The following MNAT1 variants were observed in gnomAD, a reference collection of about 807,000 sequenced individuals.
MNAT1 encodes MNAT1 component of CDK activating kinase.
A neutral mutation model predicts 42.0 loss-of-function variants in MNAT1; 43 were observed. That is an observed-to-expected ratio of 1.02 (90% CI 0.80 to 1.32). The LOEUF (loss-of-function observed/expected upper bound fraction) is 1.32. MNAT1 is among the 40% of genes most tolerant of loss of function. MNAT1 has a pLI of 0.00. For missense variants in MNAT1, 306 were observed against 350.4 expected (o/e 0.87, Z 1.01); for synonymous variants, 118 against 120.0 (o/e 0.98, Z 0.11).
rs138577239 is a variant in MNAT1 at position 60,892,191 on chromosome 14, G to A, written c.809+12356G>A. ...CCAGTTGGTTTATTCTATTGTTCAA[G>A]TCCTCTGTTTTATTTATCTTTTGTC... is the stretch of plus-strand genomic sequence containing the variant. On this transcript the variant is annotated intron_variant, in intron 7 of 7. Coordinates refer to ENST00000261245, the MANE Select transcript of MNAT1 (RefSeq NM_002431.4). Among the ~76,000 whole-genome samples the A allele has an allele frequency of 3.8e-3, 572 of 152,090 alleles. 5 individuals carry two copies. The highest frequency in any genetic ancestry group is 0.013 in the African/African-American group (556 of 41,516).
Position 60,871,686 on chromosome 14 carries a change from G to A in MNAT1, c.688-8028G>A, listed in dbSNP as rs557234220. Among the ~76,000 whole-genome samples, 520 of 151,684 alleles carry A rather than the reference G, an allele frequency of 3.4e-3. 3 individuals are homozygous for A. The highest frequency in any genetic ancestry group is 5.8e-3 in the Non-Finnish European group (392 of 67,934). On this transcript the variant is annotated intron_variant, in intron 6 of 7. Transcript: ENST00000261245. The stretch of plus-strand genomic sequence containing the variant: ...TGCCCAGGATGGAGTGCAATGGTGC[G>A]ATCTCGGCTCATTGTAACCTCTGTC...
At chr14:60,774,990 C>T (rs778410666) in intron 1 of MNAT1, among the ~76,000 whole-genome samples, 47 of 152,214 alleles carry the variant, frequency 3.1e-4, no homozygotes, top group Middle Eastern at 3.4e-3. Context: ...GGGATGAGAT[C>T]AGGGCCGTAA....
At chr14:60,929,173 ATATAT>A in intron 7 of MNAT1, among the ~76,000 whole-genome samples, 19 of 117,276 alleles carry the variant, frequency 1.6e-4, no homozygotes, top group African/African-American at 6.0e-4. Context: ...AAAAAAAAAT[ATATAT>A]ATATATATAT....
chr14:60,910,431 T>C (rs1205053925), intron 7 of MNAT1, among the ~76,000 whole-genome samples: 4 of 152,312 alleles, frequency 2.6e-5, no homozygotes, highest in East Asian at 1.9e-4. Flanking sequence ...TTCCAGTTTT[T>C]GTCCATTCAG....
chr14:60,817,953 C>T (rs559692263), intron 5 of MNAT1, among the ~76,000 whole-genome samples: 1 of 151,722 alleles, frequency 6.6e-6, no homozygotes, highest in East Asian at 1.9e-4. Flanking sequence ...CCTCCTGGTA[C>T]GTCCTTCTGC....
At chr14:60,758,591 A>G (rs1339517277) in intron 1 of MNAT1, among the ~76,000 whole-genome samples, 1 of 150,882 alleles carries the variant, frequency 6.6e-6, no homozygotes, top group Non-Finnish European at 1.5e-5. Context: ...ACTCCTCCCA[A>G]CCCTCCAAAA....
At position 60,818,932 on chromosome 14, in the gene MNAT1, G is replaced by A. The variant is rs1047249103; in HGVS notation, c.687+85G>A. ...TTTTACACGATTTCTATAGTAAACC[G>A]AAATGTTCAGATGTTTAAGAACAGT... On this transcript the variant is annotated intron_variant, in intron 6 of 7. Coordinates refer to ENST00000261245, the MANE Select transcript of MNAT1 (RefSeq NM_002431.4). 2.1e-5 allele frequency: 31 copies of A among 1,445,054 alleles called. No homozygotes were observed. The East Asian group carries it at 2.5e-4, about 12-fold the overall frequency. 89.5% of individuals were successfully genotyped at this position (1,445,054 alleles called of 1,614,324 possible). A position where few individuals can be genotyped will look rare whatever the true frequency, so the allele number is the denominator to read the frequency against.
At chr14:60,939,531 G>C (rs1348696811) in intron 7 of MNAT1, among the ~76,000 whole-genome samples, 1 of 152,170 alleles carries the variant, frequency 6.6e-6, no homozygotes, top group African/African-American at 2.4e-5. Context: ...TTTCCATGTA[G>C]TTGAGTGGTT....
At chr14:60,855,915 C>G (rs1194696738) in intron 6 of MNAT1, among the ~76,000 whole-genome samples, 1 of 152,146 alleles carries the variant, frequency 6.6e-6, no homozygotes, top group Non-Finnish European at 1.5e-5. Context: ...TGTTCTACTC[C>G]ACCAATTGCC....
chr14:60,843,626 T>C (rs923309893), intron 6 of MNAT1, among the ~76,000 whole-genome samples: 1 of 152,218 alleles, frequency 6.6e-6, no homozygotes, highest in Non-Finnish European at 1.5e-5. Flanking sequence ...CTTATGTCCA[T>C]TAAAAAAATT....
At chr14:60,877,628 A>G (rs2034463108) in intron 6 of MNAT1, among the ~76,000 whole-genome samples, 2 of 152,096 alleles carry the variant, frequency 1.3e-5, no homozygotes, top group Admixed American at 1.3e-4. Context: ...TATGAAATAG[A>G]GAAATTGATA....
At chr14:60,861,715 G>C (rs4151275) in intron 6 of MNAT1, among the ~76,000 whole-genome samples, 1 of 152,186 alleles carries the variant, frequency 6.6e-6, no homozygotes, top group African/African-American at 2.4e-5. Context: ...TGATAAGCTA[G>C]TTTGAACCTG....
At chr14:60,817,656 G>C (rs556342986) in intron 5 of MNAT1, among the ~76,000 whole-genome samples, 1 of 152,052 alleles carries the variant, frequency 6.6e-6, no homozygotes, top group South Asian at 2.1e-4. Flanking sequence ...AAATTATTAA[G>C]TTGCTAGATT....
chr14:60,828,046 G>T (rs1029195610), intron 6 of MNAT1, among the ~76,000 whole-genome samples: 11 of 152,074 alleles, frequency 7.2e-5, no homozygotes, highest in Non-Finnish European at 1.3e-4. Context: ...AAATTTTTAT[G>T]AAATGAATAG....
intron 7 of MNAT1, among the ~76,000 whole-genome samples, chr14:60,916,028 C>T (rs962949428): frequency 3.3e-5 from 5 of 152,138 alleles, no homozygotes; most frequent in African/African-American, 9.7e-5. Flanking sequence ...TTTCTTGGAG[C>T]GCTGTGGTAA....
At chr14:60,778,633 A>G (rs1260155154) in intron 1 of MNAT1, among the ~76,000 whole-genome samples, 1 of 152,188 alleles carries the variant, frequency 6.6e-6, no homozygotes, top group African/African-American at 2.4e-5. Flanking sequence ...CAAGAGTCGC[A>G]CTTTACAGGA....
chr14:60,951,491 A>G (rs938949738), intron 7 of MNAT1, among the ~76,000 whole-genome samples: 10 of 151,512 alleles, frequency 6.6e-5, no homozygotes, highest in Admixed American at 2.6e-4. Flanking sequence ...TCAGTTTACT[A>G]TTTTCTGTCC....
At chr14:60,851,691 T>G (rs987314339) in intron 6 of MNAT1, among the ~76,000 whole-genome samples, 1 of 152,138 alleles carries the variant, frequency 6.6e-6, no homozygotes, top group African/African-American at 2.4e-5. Context: ...CTTAATGCTC[T>G]CCTTCCCCTT....
At chr14:60,928,169 A>G (rs1352700578) in intron 7 of MNAT1, among the ~76,000 whole-genome samples, 2 of 152,200 alleles carry the variant, frequency 1.3e-5, no homozygotes, top group Non-Finnish European at 2.9e-5. Context: ...TCTGAGGTTC[A>G]TATTGTAGTA....
Sources: allele counts gnomAD v4.1 joint callset (sites outside exome capture counted in the v4.1 genomes callset), GRCh38; gene constraint gnomAD v4.1.1; transcripts MANE v1.5; gene names NCBI Gene and HGNC (gene_info 2026-07-23, HGNC 2026-07-21).